The following ZDHHC13 variants were observed in gnomAD, a reference collection of about 807,000 sequenced individuals.
ZDHHC13 encodes the protein zDHHC palmitoyltransferase 13.
ZDHHC13 carries 85 observed loss-of-function variants against 86.0 expected under a neutral mutation model. That is an observed-to-expected ratio of 0.99 (90% confidence interval 0.83 to 1.18). The LOEUF is 1.18. Ranked by LOEUF, ZDHHC13 falls within the 50% of genes most tolerant of loss-of-function variation. The pLI is 0.00. For synonymous variants in ZDHHC13, 263 were observed against 246.4 expected (o/e 1.07, Z -0.63); for missense variants, 711 against 730.2 (o/e 0.97, Z 0.30).
At position 19,117,180 on chromosome 11, in the gene ZDHHC13, A is replaced by AGGCGGGCT. The variant is rs926190666; in HGVS notation, c.-56_-49dup. The AGGCGGGCT allele has an allele frequency of 8.9e-5, 135 of 1,514,330 alleles. 1 individual carries two copies. The highest frequency in any genetic ancestry group is 7.0e-4 in the East Asian group (28 of 39,834). The allele number at this position is 1,514,330 out of a possible 1,614,324, so 93.8% of individuals were successfully genotyped here. On this transcript the variant is annotated 5_prime_UTR_variant, in exon 1 of 17. Transcript: ENST00000446113. The surrounding 1 kb of genome is among the most constrained non-coding windows in gnomAD (Gnocchi z 4.2). ...AGGAAGTGGGAGAAGAGGCGACCCAAGGCGGGCTGGCGGGCTGGCGGCAGT... is the reference window on the plus strand; with the variant it reads ...AGGAAGTGGGAGAAGAGGCGACCCAAGGCGGGCTGGCGGGCTGGCGGGCTGGCGGCAGT...
intron 1 of ZDHHC13, among the ~76,000 whole-genome samples, chr11:19,133,352 CATATAT>C (rs149739194): frequency 4.8e-5 from 7 of 144,854 alleles, no homozygotes; most frequent in Admixed American, 2.9e-4. Flanking sequence ...GAATTGTTTA[CATATAT>C]ATATATATAT....
chr11:19,147,544 A>G, intron 3 of ZDHHC13, 52 bp from the exon 4 acceptor site: 4 of 1,465,228 alleles, frequency 2.7e-6, no homozygotes, highest in East Asian at 2.4e-5. Context: ...TTCTTTCTCA[A>G]TATGAAGCTT....
In ZDHHC13 at chr11:19,146,276, C is replaced by T. The variant is rs1299837707; in HGVS notation, c.269C>T (p.Ala90Val). The T allele has an allele frequency of 2.5e-6, 4 of 1,612,904 alleles. No individual in the cohort carries two copies. The highest frequency in any genetic ancestry group is 1.7e-6 in the Non-Finnish European group (2 of 1,179,524). Residue 90 changes from alanine (A) to valine (V), a missense_variant, in exon 3 of 17, where the codon GCT (alanine) becomes GTT (valine). Coordinates refer to ENST00000446113, the MANE Select transcript of ZDHHC13 (RefSeq NM_019028.3). The part of the protein sequence containing the change: ...KENVSLLHWA[A>V]INNRLDLVKF... ...AATGTGTCGCTTCTTCATTGGGCTG[C>T]TATTAACAACAGACTGGATCTTGTA...
intron 10 of ZDHHC13, among the ~76,000 whole-genome samples, chr11:19,161,211 G>A (rs560497168): frequency 7.9e-5 from 12 of 152,122 alleles, no homozygotes; most frequent in Non-Finnish European, 1.3e-4. Context: ...GGCCTATTAG[G>A]GGAAGACATT....
rs763313430 is a variant in ZDHHC13 at position 19,164,308 on chromosome 11, T to C, written c.1241T>C (p.Ile414Thr). 6.2e-7 allele frequency: 1 copy of C among 1,613,052 alleles called. No homozygotes were observed. The highest frequency in any genetic ancestry group is 2.2e-5 in the East Asian group (1 of 44,856). The change falls in exon 12 of 17, where the codon ATC becomes ACC. Residue 414 changes from isoleucine (I) to threonine (T), a missense_variant. Transcript: ENST00000446113. ...AAACTTCATGTCTTTCAGAATATCA[T>C]CACCCTTGCAGAAACTGGCTCTCTG... ...ASEEEKKVNI[I>T]TLAETGSLDF...
chr11:19,167,594 A>G (rs1850106961), intron 14 of ZDHHC13: 1 of 152,128 alleles, frequency 6.6e-6, no homozygotes, highest in South Asian at 2.1e-4. Flanking sequence ...GGAGGGCTTC[A>G]GTTACCTTGT....
At chr11:19,169,523 A>T (rs1850161473) in intron 14 of ZDHHC13, 2 of 985,368 alleles carry the variant, frequency 2.0e-6, no homozygotes, top group South Asian at 9.4e-5. Context: ...CATTGGGAAA[A>T]TGTCCAAAAC....
intron 9 of ZDHHC13, among the ~76,000 whole-genome samples, chr11:19,158,396 A>C (rs767509545): frequency 3.3e-5 from 5 of 152,122 alleles, no homozygotes; most frequent in Non-Finnish European, 5.9e-5. Context: ...TCTGAATACT[A>C]GTATCATTTT....
intron 1 of ZDHHC13, among the ~76,000 whole-genome samples, chr11:19,135,185 C>T (rs1296632631): frequency 6.6e-6 from 1 of 152,206 alleles, no homozygotes; most frequent in African/African-American, 2.4e-5. Context: ...TAGGGAGTGC[C>T]AGACAGTGGG....
In ZDHHC13 at chr11:19,166,217, T is replaced by C. The variant is rs976301496; in HGVS notation, c.1391-85T>C. The C allele has an allele frequency of 6.4e-6, 7 of 1,087,760 alleles. No homozygotes were observed. The African/African-American group carries it at 9.6e-5, about 15-fold the overall frequency. 67.4% of individuals were successfully genotyped at this position (1,087,760 alleles called of 1,614,324 possible). Reference sequence around the variant, plus strand: ...TCTGTTTTACTTTGGTGAAGACTTTTGACAGGAAAGTGGTTAAGGAGGTCT... The same window carrying C: ...TCTGTTTTACTTTGGTGAAGACTTTCGACAGGAAAGTGGTTAAGGAGGTCT... On this transcript the variant is annotated intron_variant, in intron 13 of 16. Coordinates refer to ENST00000446113, the MANE Select transcript of ZDHHC13 (RefSeq NM_019028.3).
upstream of ZDHHC13, chr11:19,117,114 G>A (rs887378256): frequency 3.2e-6 from 3 of 933,660 alleles, no homozygotes; most frequent in African/African-American, 3.3e-5. The surrounding 1 kb of genome is among the most constrained non-coding windows in gnomAD (Gnocchi z 4.2). Context: ...ACGGCTCAGG[G>A]CACGAGCGGG....
intron 1 of ZDHHC13, among the ~76,000 whole-genome samples, chr11:19,133,751 A>G (rs1849055627): frequency 6.6e-6 from 1 of 151,900 alleles, no homozygotes; most frequent in Admixed American, 6.6e-5. Context: ...AGCAAAAAGT[A>G]ATTATAACTG....
chr11:19,125,018 A>G (rs1302580385), intron 1 of ZDHHC13, among the ~76,000 whole-genome samples: 3 of 152,160 alleles, frequency 2.0e-5, no homozygotes, highest in Non-Finnish European at 4.4e-5. Context: ...GTCACCAGAA[A>G]CACTGAGGGA....
intron 1 of ZDHHC13, among the ~76,000 whole-genome samples, chr11:19,136,257 C>T (rs997450786): frequency 2.6e-5 from 4 of 151,984 alleles, no homozygotes; most frequent in East Asian, 1.9e-4. Flanking sequence ...AACCAAGGCT[C>T]GAGAACTACA....
At chr11:19,162,731 T>C (rs1223872620) in intron 10 of ZDHHC13, among the ~76,000 whole-genome samples, 4 of 152,146 alleles carry the variant, frequency 2.6e-5, no homozygotes, top group Non-Finnish European at 4.4e-5. Context: ...GCAGGATCAT[T>C]GCATTATGAA....
intron 12 of ZDHHC13, 158 bp downstream of exon 12, chr11:19,164,521 C>A: frequency 1.5e-6 from 1 of 664,622 alleles, no homozygotes; most frequent in Non-Finnish European, 2.5e-6. Flanking sequence ...CTGTCTTGAA[C>A]ATATGGCAGA....
chr11:19,137,043 CA>C (rs1245658444), intron 1 of ZDHHC13, among the ~76,000 whole-genome samples: 2 of 151,956 alleles, frequency 1.3e-5, no homozygotes, highest in African/African-American at 4.8e-5. Flanking sequence ...ATCATAATGA[CA>C]GGATCAAATT....
At chr11:19,121,777 T>C (rs1027963680) in intron 1 of ZDHHC13, among the ~76,000 whole-genome samples, 4 of 152,202 alleles carry the variant, frequency 2.6e-5, no homozygotes, top group Non-Finnish European at 5.9e-5. Flanking sequence ...CTTAGGACCA[T>C]GCAACATGAG....
intron 16 of ZDHHC13, among the ~76,000 whole-genome samples, chr11:19,173,102 G>A (rs1477579730): frequency 6.6e-6 from 1 of 152,170 alleles, no homozygotes; most frequent in African/African-American, 2.4e-5. Flanking sequence ...AAGCCACATG[G>A]TCACAAGGTT....
Sources: gnomAD v4.1 joint callset for allele counts (sites outside exome capture counted in the v4.1 genomes callset) on GRCh38, gnomAD v4.1.1 for gene constraint, Gnocchi (gnomAD v3.1) non-coding constraint, MANE v1.5 for transcripts, NCBI Gene and HGNC (gene_info 2026-07-23, HGNC 2026-07-21) for gene names.